AKAP12: variants seen among roughly 807,000 people sequenced by gnomAD.
AKAP12 encodes the protein A-kinase anchoring protein 12.
In AKAP12, 32 loss-of-function variants were observed where a neutral mutation model predicts 79.9. The observed-to-expected ratio is 0.40, with a 90% CI of 0.30 to 0.54. The LOEUF (loss-of-function observed/expected upper bound fraction) is 0.54, where lower values mean the gene tolerates loss of function less well. AKAP12 is among the 20% of genes least tolerant of loss of function. The probability of loss-of-function intolerance (pLI) is 0.48; values close to 1 mark genes in which losing one functional copy is unlikely to be tolerated. For missense variants in AKAP12, 2,074 were observed against 2,177.0 expected, an observed-to-expected ratio of 0.95 and a Z score of 0.94; for synonymous variants, 808 against 857.0, an observed-to-expected ratio of 0.94 and a Z score of 1.00.
chr6:151,265,234 A>G (rs1468535111), intron 2 of AKAP12, among the ~76,000 whole-genome samples: 1 of 148,274 alleles, frequency 6.7e-6, no homozygotes, highest in Non-Finnish European at 1.5e-5. Flanking sequence ...TTTTTGCAAT[A>G]GCTTTACTGA....
intron 3 of AKAP12, among the ~76,000 whole-genome samples, chr6:151,315,461 C>G (rs1162468587): frequency 6.6e-6 from 1 of 152,204 alleles, no homozygotes; most frequent in Non-Finnish European, 1.5e-5. Context: ...GCCCCACCCT[C>G]TAATATCATC....
At chr6:151,339,591 A>G (rs1777897773) in intron 3 of AKAP12, among the ~76,000 whole-genome samples, 1 of 152,210 alleles carries the variant, frequency 6.6e-6, no homozygotes, top group Non-Finnish European at 1.5e-5. Context: ...ACACATGGTT[A>G]TCACCCAAAG....
intron 3 of AKAP12, among the ~76,000 whole-genome samples, chr6:151,328,497 C>T (rs767492151): frequency 4.7e-5 from 7 of 149,358 alleles, no homozygotes; most frequent in Non-Finnish European, 7.4e-5. Flanking sequence ...ATTAGCTGGA[C>T]GTGGTAGTGT....
chr6:151,289,254 A>G (rs529851105), intron 2 of AKAP12, among the ~76,000 whole-genome samples: 1 of 152,306 alleles, frequency 6.6e-6, no homozygotes, highest in East Asian at 1.9e-4. Flanking sequence ...GGGAAATTCA[A>G]ACTGATACTC....
At position 151,350,038 on chromosome 6, in the gene AKAP12, G is replaced by A. The variant is rs770650934; in HGVS notation, c.1647G>A (p.Gln549=). 4 of 1,614,146 alleles carry A rather than the reference G, an allele frequency of 2.5e-6. No individual in the cohort carries two copies. The highest frequency in any genetic ancestry group is 3.4e-6 in the Non-Finnish European group (4 of 1,180,032). ...GGDEESGEHT[Q]VPADSPDSQE... ...ACGAGGAATCAGGGGAGCACACTCA[G>A]GTTCCAGCCGATTCTCCGGACAGCC... Residue 549 remains glutamine, a synonymous_variant, in exon 4 of 5, where the codon CAG becomes CAA. Transcript: ENST00000402676. This position sits in a 1 kb window ranked among gnomAD's most constrained non-coding sequence, Gnocchi z 4.8.
chr6:151,318,813 C>A (rs1389963936), intron 3 of AKAP12, among the ~76,000 whole-genome samples: 2 of 152,104 alleles, frequency 1.3e-5, no homozygotes, highest in South Asian at 2.1e-4. Flanking sequence ...TGTGGTGTTG[C>A]ATGCCTGTAG....
rs762852963 is a variant in AKAP12, at chr6:151,323,276, C to A, written c.319+17373C>A. Among the ~76,000 whole-genome samples the A allele has an allele frequency of 1.8e-3, 272 of 152,320 alleles. 2 individuals carry two copies. Among genetic ancestry groups the A allele is most frequent in the Non-Finnish European group, 3.2e-3 (217 of 68,024 alleles). ...TTTAAGAATATCAAATCAGGCCGGA[C>A]GCAGTGGCTCATGCCTGTAGTCCCA... is the stretch of plus-strand genomic sequence containing the variant. On this transcript the variant is annotated intron_variant, in intron 3 of 4. Transcript: ENST00000402676.
chr6:151,299,512 A>T (rs371305602), intron 2 of AKAP12, among the ~76,000 whole-genome samples: 12 of 152,172 alleles, frequency 7.9e-5, no homozygotes, highest in African/African-American at 2.9e-4. Flanking sequence ...GCTTACACAA[A>T]CATTGACTCC....
At chr6:151,306,350 G>A (rs1391786683) in intron 3 of AKAP12, among the ~76,000 whole-genome samples, 7 of 152,106 alleles carry the variant, frequency 4.6e-5, no homozygotes, top group Non-Finnish European at 8.8e-5. Context: ...AGAGATCTTC[G>A]AGGAATGGTT....
intron 2 of AKAP12, among the ~76,000 whole-genome samples, chr6:151,273,411 T>A (rs1016124009): frequency 6.6e-6 from 1 of 152,212 alleles, no homozygotes; most frequent in African/African-American, 2.4e-5. Context: ...TACCGGTGAT[T>A]CCATTGCCAG....
rs756064626 is a variant in AKAP12, at chr6:151,351,788, A to C, written c.3397A>C (p.Ser1133Arg). The change falls in exon 4 of 5, where the codon AGT becomes CGT. Residue 1133 changes from serine (S) to arginine (R), a missense_variant. Physicochemically the swap from Ser to Arg is moderately radical, Grantham distance 110. Coordinates refer to ENST00000402676, the MANE Select transcript of AKAP12 (RefSeq NM_005100.4). This position sits in a 1 kb window ranked among gnomAD's most constrained non-coding sequence, Gnocchi z 4.4. ...APQVTESIES[S>R]ELVTTCQAET... Reference sequence around the variant, plus strand: ...TCAAGTCACAGAGAGCATAGAGTCCAGTGAGCTTGTAACCACTTGTCAAGC... The same window carrying C: ...TCAAGTCACAGAGAGCATAGAGTCCCGTGAGCTTGTAACCACTTGTCAAGC... 1.3e-5 allele frequency: 21 copies of C among 1,614,092 alleles called. No homozygotes were observed. The highest frequency in any genetic ancestry group is 1.8e-5 in the Non-Finnish European group (21 of 1,180,036).
intron 2 of AKAP12, among the ~76,000 whole-genome samples, chr6:151,292,338 T>G (rs1776639368): frequency 6.6e-6 from 1 of 152,248 alleles, no homozygotes; most frequent in African/African-American, 2.4e-5. Flanking sequence ...CAATACATTC[T>G]AACTGGGTTT....
chr6:151,321,909 T>TTTGTTG (rs1562738010), intron 3 of AKAP12, among the ~76,000 whole-genome samples: 1 of 97,272 alleles, frequency 1.0e-5, no homozygotes, highest in African/African-American at 4.8e-5. Context: ...TTATGTTTTT[T>TTTGTTG]TTTTTTTTTT....
In AKAP12 at chr6:151,352,980, T is replaced by TCGA; in HGVS notation, c.4589_4590insCGA (p.Ile1530_Glu1531insAsp). 1 of 1,422,252 alleles carries TCGA rather than the reference T, an allele frequency of 7.0e-7. No homozygotes were observed. The highest frequency in any genetic ancestry group is 2.1e-5 in the Admixed American group (1 of 47,582). The allele number at this position is 1,422,252 out of a possible 1,614,324, so 88.1% of individuals were successfully genotyped here. On this transcript the variant is annotated inframe_insertion, in exon 4 of 5. Transcript: ENST00000402676. The stretch of plus-strand genomic sequence containing the variant: ...CAGGAGGTCAAAGTGAGTGTAGCAA[T>TCGA]TGAGGATTTAGAGCCTGAAAATGGG...
chr6:151,295,189 T>C (rs1365196567), intron 2 of AKAP12, among the ~76,000 whole-genome samples: 1 of 152,218 alleles, frequency 6.6e-6, no homozygotes, highest in African/African-American at 2.4e-5. Context: ...TCACCTGTAG[T>C]GGCCAGTCCT....
Position 151,266,856 on chromosome 6 carries a change from G to A in AKAP12, c.162+26132G>A, listed in dbSNP as rs192240940. On this transcript the variant is annotated intron_variant, in intron 2 of 4. Coordinates refer to ENST00000402676, the MANE Select transcript of AKAP12 (RefSeq NM_005100.4). ...ATATGCAAAACTGTATTCCACAATA[G>A]TAATTGTATTTAAAAAACGCATGTA... 1.1e-3 allele frequency among the ~76,000 whole-genome samples: 168 copies of A among 151,986 alleles called. 1 individual carries two copies. Among genetic ancestry groups the A allele is most frequent in the African/African-American group, 3.8e-3 (158 of 41,430 alleles).
intron 2 of AKAP12, among the ~76,000 whole-genome samples, chr6:151,295,710 A>G (rs1475173731): frequency 6.6e-6 from 1 of 152,264 alleles, no homozygotes. Flanking sequence ...TTGAAAGTGG[A>G]TAAATGTTGC....
intron 2 of AKAP12, among the ~76,000 whole-genome samples, chr6:151,274,035 A>G (rs1446246288): frequency 6.7e-6 from 1 of 148,256 alleles, no homozygotes; most frequent in Non-Finnish European, 1.5e-5. Flanking sequence ...TCTCAAAAAC[A>G]AAAACAAAAA....
intron 3 of AKAP12, chr6:151,324,481 CCT>C (rs570273473): frequency 1.0e-5 from 10 of 985,320 alleles, no homozygotes; most frequent in Non-Finnish European, 1.1e-5. Flanking sequence ...TCCATTTTTC[CCT>C]GATTCTCCTG....
Sources: gnomAD v4.1 joint callset for allele counts (sites outside exome capture counted in the v4.1 genomes callset) on GRCh38, gnomAD v4.1.1 for gene constraint, Gnocchi (gnomAD v3.1) non-coding constraint, MANE v1.5 for transcripts, NCBI Gene and HGNC (gene_info 2026-07-23, HGNC 2026-07-21) for gene names.